The following MKX variants were observed in gnomAD, a reference collection of about 807,000 sequenced individuals.
The protein encoded by MKX is homeobox protein Mohawk.
MKX carries 13 observed loss-of-function variants against 36.0 expected under a neutral mutation model. The observed-to-expected ratio is 0.36, with a 90% confidence interval of 0.24 to 0.57. The LOEUF (loss-of-function observed/expected upper bound fraction) is 0.57. Among genes scored for constraint, MKX ranks in the 20% least tolerant of loss-of-function variants. The pLI, the probability that MKX is intolerant of heterozygous loss-of-function variation, is 0.79. For missense variants in MKX, 458 were observed against 456.4 expected, an observed-to-expected ratio of 1.00 and a Z score of -0.03; for synonymous variants, 176 against 178.3, an observed-to-expected ratio of 0.99 and a Z score of 0.10.
chr10:27,738,906 T>C (rs1365951064), intron 3 of MKX, among the ~76,000 whole-genome samples: 1 of 152,046 alleles, frequency 6.6e-6, no homozygotes, highest in East Asian at 1.9e-4. Flanking sequence ...AGGACTGATC[T>C]GAGATTTTGT....
intron 5 of MKX, among the ~76,000 whole-genome samples, chr10:27,676,360 A>G (rs1282351872): frequency 6.8e-6 from 1 of 147,412 alleles, no homozygotes; most frequent in African/African-American, 2.5e-5. Context: ...CATGGTTATC[A>G]AATTTTCTTT....
chr10:27,699,392 A>C (rs1325631296), intron 5 of MKX, among the ~76,000 whole-genome samples: 2 of 152,236 alleles, frequency 1.3e-5, no homozygotes, highest in East Asian at 3.8e-4. Flanking sequence ...GAAAAGGAGA[A>C]GAAAAAAGGG....
In MKX at chr10:27,699,533, C is replaced by T. The variant is rs573346907; in HGVS notation, c.839-23979G>A. The stretch of plus-strand genomic sequence containing the variant: ...CGAATACGTCAATAACGTTCACTTG[C>T]TATTGGCATATGGAACCACAGTTGT... On this transcript the variant is annotated intron_variant, in intron 5 of 6. Transcript: ENST00000419761. 3.3e-5 allele frequency among the ~76,000 whole-genome samples: 5 copies of T among 152,292 alleles called. No homozygotes were observed. The South Asian group carries it at 1.0e-3, about 32-fold the overall frequency.
chr10:27,719,766 C>T (rs1393134048), intron 5 of MKX, among the ~76,000 whole-genome samples: 1 of 152,094 alleles, frequency 6.6e-6, no homozygotes, highest in East Asian at 1.9e-4. Context: ...AGCAGGACTG[C>T]TTGAGGCCAT....
chr10:27,739,638 A>G (rs750643137), intron 3 of MKX, among the ~76,000 whole-genome samples: 1 of 152,158 alleles, frequency 6.6e-6, no homozygotes, highest in African/African-American at 2.4e-5. Flanking sequence ...CTACATAAGA[A>G]AGTTTAAATG....
intron 5 of MKX, among the ~76,000 whole-genome samples, chr10:27,677,992 A>C (rs1403069322): frequency 6.6e-6 from 1 of 152,190 alleles, no homozygotes; most frequent in East Asian, 1.9e-4. Flanking sequence ...ACTCATGTAA[A>C]TGCAGGAAAA....
chr10:27,738,818 G>A (rs1589698118), intron 3 of MKX, among the ~76,000 whole-genome samples: 1 of 152,130 alleles, frequency 6.6e-6, no homozygotes, highest in Middle Eastern at 3.4e-3. Flanking sequence ...CTGAATTAAC[G>A]AACTTCTGAG....
Position 27,734,500 on chromosome 10 carries a change from G to A in MKX, c.794C>T (p.Ser265Phe). The A allele has an allele frequency of 6.2e-7, 1 of 1,614,226 alleles. No individual in the cohort carries two copies. The change falls in exon 5 of 7, where the codon TCT becomes TTT. Residue 265 changes from serine to phenylalanine, a missense_variant. Ser to Phe is a radical substitution (Grantham distance 155, BLOSUM62 -2). Transcript: ENST00000419761. ...GCCTTCAGTTTCTGATGACGATGGA[G>A]ACACTAATTCTTCCTCAAATTCATT... ...SSNEFEEELVSPSSSETEGNF... is the reference protein window; with the variant it reads ...SSNEFEEELVFPSSSETEGNF...
Position 27,673,185 on chromosome 10 carries a change from A to C in MKX, c.*2044T>G, listed in dbSNP as rs769445396. ...GTCTTCTTGACATGTTAATTATAAA[A>C]TCTTCCAACCTTTGGTATTAAAAAA... On this transcript the variant is annotated 3_prime_UTR_variant, in exon 7 of 7. Transcript: ENST00000419761. The C allele has an allele frequency of 6.6e-6, 1 of 152,148 alleles. No individual in the cohort carries two copies. Among genetic ancestry groups the C allele is most frequent in the Non-Finnish European group, 1.5e-5 (1 of 68,012 alleles). 9.4% of individuals were successfully genotyped at this position (152,148 alleles called of 1,614,324 possible).
At chr10:27,677,155 C>G (rs1836167661) in intron 5 of MKX, among the ~76,000 whole-genome samples, 1 of 152,120 alleles carries the variant, frequency 6.6e-6, no homozygotes, top group Non-Finnish European at 1.5e-5. Context: ...TCATCATCAT[C>G]CACAACAATA....
At chr10:27,698,597 GC>G (rs942532096) in intron 5 of MKX, among the ~76,000 whole-genome samples, 1 of 152,132 alleles carries the variant, frequency 6.6e-6, no homozygotes, top group Non-Finnish European at 1.5e-5. Flanking sequence ...AGGAAGGGGG[GC>G]AAGGAAGAAG....
chr10:27,675,221 A>G lies in MKX; in HGVS notation c.*8T>C, dbSNP rs1340499611. 6.2e-7 allele frequency: 1 copy of G among 1,611,400 alleles called. No homozygotes were observed. Among genetic ancestry groups the G allele is most frequent in the East Asian group, 2.2e-5 (1 of 44,840 alleles). ...GAACATCCATTGGATCTGAAAAGCA[A>G]CAAGCTCTTAAAACTGCTGCACCAG... On this transcript the variant is annotated 3_prime_UTR_variant, in exon 7 of 7. Coordinates refer to ENST00000419761, the MANE Select transcript of MKX (RefSeq NM_173576.3).
intron 5 of MKX, among the ~76,000 whole-genome samples, chr10:27,720,884 T>C (rs575594694): frequency 1.1e-4 from 16 of 152,104 alleles, no homozygotes; most frequent in Non-Finnish European, 2.1e-4. Flanking sequence ...ACAATGGAAC[T>C]AGATATAAGA....
At chr10:27,721,388 A>G (rs1029826223) in intron 5 of MKX, among the ~76,000 whole-genome samples, 5 of 152,224 alleles carry the variant, frequency 3.3e-5, no homozygotes, top group South Asian at 2.1e-4. Flanking sequence ...ATGCCCATCA[A>G]TGATAGACTG....
At chr10:27,713,344 T>G (rs1279577173) in intron 5 of MKX, among the ~76,000 whole-genome samples, 2 of 152,234 alleles carry the variant, frequency 1.3e-5, no homozygotes, top group African/African-American at 4.8e-5. Context: ...GGGGTGGATG[T>G]GCATTTTTCT....
intron 5 of MKX, among the ~76,000 whole-genome samples, chr10:27,729,523 T>G (rs1196575730): frequency 6.6e-6 from 1 of 151,936 alleles, no homozygotes; most frequent in African/African-American, 2.4e-5. Flanking sequence ...ACTAGACTGG[T>G]CTCGAACTCC....
intron 5 of MKX, among the ~76,000 whole-genome samples, chr10:27,709,803 G>A (rs1384093655): frequency 6.6e-6 from 1 of 152,152 alleles, no homozygotes; most frequent in Non-Finnish European, 1.5e-5. Context: ...GTGACTCTAA[G>A]GCAGTGCTGT....
chr10:27,686,459 G>C (rs544514977), intron 5 of MKX, among the ~76,000 whole-genome samples: 51 of 144,080 alleles, frequency 3.5e-4, no homozygotes, highest in African/African-American at 1.2e-3. Context: ...AGAGGGGGAA[G>C]AGAAGAGAAG....
rs930295625 is a variant in MKX, at chr10:27,673,526, T to C, written c.*1703A>G. On this transcript the variant is annotated 3_prime_UTR_variant, in exon 7 of 7. Coordinates refer to ENST00000419761, the MANE Select transcript of MKX (RefSeq NM_173576.3). The stretch of plus-strand genomic sequence containing the variant: ...AGTTTTTATCAGAGATCTCTAACTA[T>C]TTAAGGATGCAAACCAAAAGAACTC... 6.6e-6 allele frequency: 1 copy of C among 152,576 alleles called. No homozygotes were observed. Among genetic ancestry groups the C allele is most frequent in the Non-Finnish European group, 1.5e-5 (1 of 68,000 alleles). 9.5% of individuals were successfully genotyped at this position (152,576 alleles called of 1,614,324 possible).
Sources: allele counts gnomAD v4.1 joint callset (sites outside exome capture counted in the v4.1 genomes callset), GRCh38; gene constraint gnomAD v4.1.1; transcripts MANE v1.5; gene names NCBI Gene and HGNC (gene_info 2026-07-23, HGNC 2026-07-21).